PCDHA7: variants seen among roughly 807,000 people sequenced by gnomAD.
The protein encoded by PCDHA7 is protocadherin alpha 7.
Under a neutral mutation model 57.2 loss-of-function variants are expected in PCDHA7, and 37 were observed. The observed-to-expected ratio is 0.65, with a 90% CI of 0.50 to 0.85. The LOEUF (loss-of-function observed/expected upper bound fraction) is 0.85, where lower values mean the gene tolerates loss of function less well. Ranked by LOEUF, PCDHA7 falls within the 40% of genes least tolerant of loss-of-function variation. The pLI, the probability that PCDHA7 is intolerant of heterozygous loss-of-function variation, is 0.00. For synonymous variants in PCDHA7, 553 were observed against 558.8 expected (o/e 0.99, Z 0.15); for missense variants, 1,188 against 1,241.8 (o/e 0.96, Z 0.65).
At chr5:140,853,141 A>G in intron 1 of PCDHA7, 1 of 767,574 alleles carries the variant, frequency 1.3e-6, no homozygotes, top group Non-Finnish European at 1.6e-6. Flanking sequence ...AGCCTCCCAA[A>G]ATGCTGGGAT....
intron 1 of PCDHA7, among the ~76,000 whole-genome samples, chr5:140,898,131 T>C (rs371489317): frequency 6.6e-6 from 1 of 152,156 alleles, no homozygotes; most frequent in Non-Finnish European, 1.5e-5. Context: ...TTCTCCCATT[T>C]TGTAGGTTGC....
chr5:140,864,096 T>A (rs1459291547), intron 1 of PCDHA7: 1 of 152,388 alleles, frequency 6.6e-6, no homozygotes, highest in South Asian at 2.1e-4. Context: ...TTGATAAGTA[T>A]AATGATAATA....
chr5:140,891,931 G>A (rs2063313924), intron 1 of PCDHA7, among the ~76,000 whole-genome samples: 1 of 152,168 alleles, frequency 6.6e-6, no homozygotes, highest in Non-Finnish European at 1.5e-5. Flanking sequence ...CTTGATCTTG[G>A]ACTTCCCCTA....
chr5:140,850,931 T>C, intron 1 of PCDHA7: 1 of 1,516,410 alleles, frequency 6.6e-7, no homozygotes, highest in Non-Finnish European at 8.9e-7. Flanking sequence ...TAATTTTTTT[T>C]CTTGAAAGAT....
chr5:140,863,075 C>T (rs546237964), intron 1 of PCDHA7: 87 of 569,532 alleles, frequency 1.5e-4, no homozygotes, highest in South Asian at 9.6e-4. Flanking sequence ...GGGCTCTGCA[C>T]GGGCGAGATC....
At chr5:140,955,102 C>A (rs2095137498) in intron 1 of PCDHA7, among the ~76,000 whole-genome samples, 1 of 151,988 alleles carries the variant, frequency 6.6e-6, no homozygotes, top group Admixed American at 6.6e-5. Context: ...GGTGTTATTT[C>A]TGAGTTCTCT....
At position 140,850,419 on chromosome 5, in the gene PCDHA7, G is replaced by C. The variant is rs1465099022; in HGVS notation, c.2355+13681G>C. On this transcript the variant is annotated intron_variant, in intron 1 of 3. Transcript: ENST00000525929. ...AACGCGTGCCCTGGACGAAACGGAC[G>C]CACCGCGCCAGCGCCTACTGGTGCT... is the stretch of plus-strand genomic sequence containing the variant. The C allele has an allele frequency of 1.9e-6, 3 of 1,597,838 alleles. No homozygotes were observed. The South Asian group carries it at 3.3e-5, about 18-fold the overall frequency.
rs2045496791 is a variant in PCDHA7 at position 140,858,579 on chromosome 5, T to C, written c.2355+21841T>C. 3 of 1,349,862 alleles carry C rather than the reference T, an allele frequency of 2.2e-6. No individual in the cohort carries two copies. In the East Asian group the frequency reaches 7.4e-5, roughly 33 times the overall value. The allele number at this position is 1,349,862 out of a possible 1,614,324, so 83.6% of individuals were successfully genotyped here. On this transcript the variant is annotated intron_variant, in intron 1 of 3. Transcript: ENST00000525929. Reference sequence around the variant, plus strand: ...AATATTTCTAGTGATACCTTTGTAATATAATTTATTCCAGGAGTTTTAAAA... The same window carrying C: ...AATATTTCTAGTGATACCTTTGTAACATAATTTATTCCAGGAGTTTTAAAA...
chr5:140,838,514 G>A (rs1775767521), intron 1 of PCDHA7, among the ~76,000 whole-genome samples: 1 of 151,652 alleles, frequency 6.6e-6, no homozygotes, highest in African/African-American at 2.4e-5. Context: ...AAAAGTATTT[G>A]CATCTTATTT....
chr5:140,948,318 A>G (rs1423632599), intron 1 of PCDHA7, among the ~76,000 whole-genome samples: 1 of 151,520 alleles, frequency 6.6e-6, no homozygotes, highest in Non-Finnish European at 1.5e-5. Flanking sequence ...TTGAGGGGTA[A>G]TGTTTTCATT....
intron 1 of PCDHA7, among the ~76,000 whole-genome samples, chr5:140,888,041 A>G (rs571709864): frequency 2.0e-5 from 3 of 152,296 alleles, no homozygotes; most frequent in South Asian, 4.1e-4. Context: ...TAGTACATGT[A>G]TAATAGATGT....
Position 140,842,897 on chromosome 5 carries a change from G to A in PCDHA7, c.2355+6159G>A. On this transcript the variant is annotated intron_variant, in intron 1 of 3. Transcript: ENST00000525929. ...GTACGCGCTGCAGCCGCTGGACCAC[G>A]AGGAGCTAGAGCTGCTGCAGTTCCA... The A allele has an allele frequency of 1.3e-6, 2 of 1,594,388 alleles. No homozygotes were observed. Among genetic ancestry groups the A allele is most frequent in the Non-Finnish European group, 1.7e-6 (2 of 1,165,484 alleles).
intron 1 of PCDHA7, among the ~76,000 whole-genome samples, chr5:140,845,293 T>A (rs1779796501): frequency 6.7e-6 from 1 of 149,672 alleles, no homozygotes; most frequent in African/African-American, 2.4e-5. Flanking sequence ...CTATCCTGTC[T>A]ATGTCTACCT....
At chr5:140,880,731 GAA>G (rs2058452770) in intron 1 of PCDHA7, among the ~76,000 whole-genome samples, 1 of 152,216 alleles carries the variant, frequency 6.6e-6, no homozygotes, top group Non-Finnish European at 1.5e-5. Flanking sequence ...GAAGCATAGA[GAA>G]AATGGATTGT....
rs2150360894 is a variant in PCDHA7, at chr5:140,843,474, A to G, written c.2355+6736A>G. 2.5e-6 allele frequency: 4 copies of G among 1,595,796 alleles called. No homozygotes were observed. The East Asian group carries it at 6.7e-5, about 27-fold the overall frequency. ...CTGCTGGTGCTCACGCTGCTGCTGTACACTGCGCTGCGGTGCTCAGCACTG... is the reference window on the plus strand; with the variant it reads ...CTGCTGGTGCTCACGCTGCTGCTGTGCACTGCGCTGCGGTGCTCAGCACTG... On this transcript the variant is annotated intron_variant, in intron 1 of 3. Transcript: ENST00000525929.
chr5:140,909,376 A>C (rs934172847), intron 1 of PCDHA7, among the ~76,000 whole-genome samples: 3 of 152,208 alleles, frequency 2.0e-5, no homozygotes, highest in Non-Finnish European at 4.4e-5. Context: ...AAGCAATGAA[A>C]CCACATCTAG....
chr5:140,868,044 A>G (rs1224087993), intron 1 of PCDHA7: 1 of 152,140 alleles, frequency 6.6e-6, no homozygotes, highest in Non-Finnish European at 1.5e-5. Flanking sequence ...TGGAAATACC[A>G]ATATGGCACA....
intron 1 of PCDHA7, among the ~76,000 whole-genome samples, chr5:140,913,400 C>T (rs2076319870): frequency 6.6e-6 from 1 of 152,108 alleles, no homozygotes; most frequent in South Asian, 2.1e-4. Context: ...CACTAATGAT[C>T]CTTTGAATTC....
chr5:140,968,643 A>G (rs2096261293), intron 1 of PCDHA7: 1 of 1,614,198 alleles, frequency 6.2e-7, no homozygotes. Context: ...CATCTAGCCC[A>G]GACTTCTGAC....
Sources: gnomAD v4.1 joint callset for allele counts (sites outside exome capture counted in the v4.1 genomes callset) on GRCh38, gnomAD v4.1.1 for gene constraint, MANE v1.5 for transcripts, NCBI Gene and HGNC (gene_info 2026-07-23, HGNC 2026-07-21) for gene names.